FOXP1: variants seen among roughly 807,000 people sequenced by gnomAD.
The protein encoded by FOXP1 is forkhead box P1, also known as forkhead box protein P1.
A neutral mutation model predicts 98.2 loss-of-function variants in FOXP1; 15 were observed. The observed-to-expected ratio is 0.15, with a 90% confidence interval of 0.10 to 0.24. The LOEUF is 0.24. Ranked by LOEUF, FOXP1 falls within the 10% of genes least tolerant of loss-of-function variation. FOXP1 has a pLI of 1.00. For synonymous variants in FOXP1, 371 were observed against 314.5 expected, an observed-to-expected ratio of 1.18 and a Z score of -1.90; for missense variants, 633 against 848.5, an observed-to-expected ratio of 0.75 and a Z score of 3.15.
chr3:70,959,863 A>G (rs2032864075), intron 20 of FOXP1, among the ~76,000 whole-genome samples: 2 of 152,168 alleles, frequency 1.3e-5, no homozygotes, highest in Admixed American at 6.5e-5. Context: ...CAAGCCCCCA[A>G]GTGATGCCGG....
At chr3:71,395,027 G>A (rs2081282604) in intron 3 of FOXP1, among the ~76,000 whole-genome samples, 1 of 148,670 alleles carries the variant, frequency 6.7e-6, no homozygotes, top group Non-Finnish European at 1.5e-5. Flanking sequence ...TTGAACCCAG[G>A]AGGCAGAGGT....
At chr3:71,436,829 A>C (rs754008159) in intron 3 of FOXP1, among the ~76,000 whole-genome samples, 1 of 152,186 alleles carries the variant, frequency 6.6e-6, no homozygotes, top group Admixed American at 6.5e-5. Flanking sequence ...CTGCTATAAT[A>C]ATGTAATTTT....
chr3:71,559,579 C>A (rs530328801), intron 2 of FOXP1, among the ~76,000 whole-genome samples: 2 of 152,290 alleles, frequency 1.3e-5, no homozygotes, highest in South Asian at 4.1e-4. Flanking sequence ...GATGGTGGCT[C>A]ATACTTGTAA....
intron 13 of FOXP1, among the ~76,000 whole-genome samples, chr3:70,998,886 C>T (rs554079908): frequency 3.9e-5 from 6 of 152,286 alleles, no homozygotes; most frequent in African/African-American, 1.4e-4. Flanking sequence ...AAAATAAATG[C>T]TCACTTCTTG....
At chr3:71,576,486 G>C (rs1489350078) in intron 2 of FOXP1, among the ~76,000 whole-genome samples, 1 of 152,194 alleles carries the variant, frequency 6.6e-6, no homozygotes, top group Non-Finnish European at 1.5e-5. Flanking sequence ...GATATTTACA[G>C]GGCTTGACAG....
At chr3:71,160,665 T>A (rs775861486) in intron 6 of FOXP1, among the ~76,000 whole-genome samples, 2 of 152,212 alleles carry the variant, frequency 1.3e-5, no homozygotes, top group Non-Finnish European at 2.9e-5. Context: ...AGGTGCTCCA[T>A]AGCTACATTG....
chr3:71,259,061 C>T (rs186811370), intron 5 of FOXP1, among the ~76,000 whole-genome samples: 3 of 152,294 alleles, frequency 2.0e-5, no homozygotes, highest in Admixed American at 1.3e-4. Context: ...AGGAGAATTG[C>T]TTGAACCTGG....
intron 7 of FOXP1, among the ~76,000 whole-genome samples, chr3:71,111,554 A>ATTGGTG (rs2057928015): frequency 6.6e-6 from 1 of 151,918 alleles, no homozygotes; most frequent in Non-Finnish European, 1.5e-5. Flanking sequence ...CCCGCCACCA[A>ATTGGTG]GCTTGGCTAA....
At chr3:71,010,771 T>C (rs1249997531) in intron 12 of FOXP1, among the ~76,000 whole-genome samples, 2 of 152,136 alleles carry the variant, frequency 1.3e-5, no homozygotes. Flanking sequence ...TTTCAGGATC[T>C]ATGAATCCAG....
At chr3:71,222,970 T>C (rs1292134229) in intron 5 of FOXP1, among the ~76,000 whole-genome samples, 1 of 152,250 alleles carries the variant, frequency 6.6e-6, no homozygotes, top group Non-Finnish European at 1.5e-5. Flanking sequence ...TGGCAATTCT[T>C]AATCTTATAT....
chr3:71,418,119 GT>G (rs2083357235), intron 3 of FOXP1, among the ~76,000 whole-genome samples: 18 of 55,468 alleles, frequency 3.2e-4, no homozygotes, highest in South Asian at 8.4e-4. Context: ...GCTTGTGGGT[GT>G]GTGTGTGTGT....
chr3:71,405,925 T>C (rs2082287204), intron 3 of FOXP1, among the ~76,000 whole-genome samples: 1 of 151,896 alleles, frequency 6.6e-6, no homozygotes, highest in African/African-American at 2.4e-5. Flanking sequence ...AGACAGGGTT[T>C]CACCATGTTG....
intron 3 of FOXP1, among the ~76,000 whole-genome samples, chr3:71,433,004 C>G (rs999772238): frequency 6.6e-6 from 1 of 151,776 alleles, no homozygotes; most frequent in South Asian, 2.1e-4. Flanking sequence ...TCATTTTGTA[C>G]CTGCTTGGTC....
At chr3:70,959,963 A>G (rs929074564) in intron 20 of FOXP1, among the ~76,000 whole-genome samples, 2 of 152,180 alleles carry the variant, frequency 1.3e-5, no homozygotes, top group Non-Finnish European at 2.9e-5. Context: ...ATTACACGAA[A>G]TAAGAATCTG....
At chr3:71,504,592 T>C (rs981291482) in intron 2 of FOXP1, among the ~76,000 whole-genome samples, 6 of 152,184 alleles carry the variant, frequency 3.9e-5, no homozygotes, top group African/African-American at 1.2e-4. Context: ...GGCTCAGAGC[T>C]GTCCAACGTC....
chr3:71,006,956 TATCTTTG>T (rs1447198450), intron 12 of FOXP1, among the ~76,000 whole-genome samples: 2 of 152,186 alleles, frequency 1.3e-5, no homozygotes, highest in Non-Finnish European at 2.9e-5. Context: ...CTGGGCCTGT[TATCTTTG>T]GCAAACTTGT....
intron 2 of FOXP1, among the ~76,000 whole-genome samples, chr3:71,577,487 T>C (rs1369345161): frequency 6.6e-6 from 1 of 151,832 alleles, no homozygotes; most frequent in East Asian, 1.9e-4. Flanking sequence ...ATACCCCAAA[T>C]TTCGCCAGGT....
At chr3:71,186,491 T>C (rs969617200) in intron 6 of FOXP1, among the ~76,000 whole-genome samples, 3 of 152,204 alleles carry the variant, frequency 2.0e-5, no homozygotes, top group Non-Finnish European at 4.4e-5. Context: ...GGCAGGCGGA[T>C]CACGAGGTCA....
At chr3:71,191,771 T>G (rs1407107624) in intron 6 of FOXP1, among the ~76,000 whole-genome samples, 1 of 152,206 alleles carries the variant, frequency 6.6e-6, no homozygotes, top group Non-Finnish European at 1.5e-5. Flanking sequence ...GTCAGTGTTG[T>G]GGCTGCTTTT....
Sources: gnomAD v4.1 joint callset for allele counts (sites outside exome capture counted in the v4.1 genomes callset) on GRCh38, gnomAD v4.1.1 for gene constraint, MANE v1.5 for transcripts, NCBI Gene and HGNC (gene_info 2026-07-23, HGNC 2026-07-21) for gene names.